ARK2C: variants seen among roughly 807,000 people sequenced by gnomAD.
The protein encoded by ARK2C is E3 ubiquitin-protein ligase ARK2C.
At chr18:46,338,340 T>A in the ARK2C span, among the ~76,000 whole-genome samples, 1 of 152,226 alleles carries the variant, frequency 6.6e-6, no homozygotes, top group Non-Finnish European at 1.5e-5. Context: ...CTCAGGCCAC[T>A]CCCACCCCTA....
the ARK2C span, among the ~76,000 whole-genome samples, chr18:46,369,538 T>A: frequency 6.6e-6 from 1 of 152,136 alleles, no homozygotes; most frequent in Non-Finnish European, 1.5e-5. Context: ...CCTCTGCTGG[T>A]CAGTGAGGTG....
the ARK2C span, among the ~76,000 whole-genome samples, chr18:46,395,804 A>G: frequency 6.6e-6 from 1 of 152,350 alleles, no homozygotes; most frequent in East Asian, 1.9e-4. Flanking sequence ...TCTTACTTCC[A>G]GAGCTTTCTG....
At chr18:46,334,256 C>A in the ARK2C span, 5 of 1,476,682 alleles carry the variant, frequency 3.4e-6, no homozygotes, top group Middle Eastern at 2.3e-4. The surrounding 1 kb of genome is among the most constrained non-coding windows in gnomAD (Gnocchi z 4.4). Context: ...CCGCCGCCGC[C>A]GCCGCGCGAG....
At chr18:46,382,574 G>C in the ARK2C span, among the ~76,000 whole-genome samples, 1 of 152,022 alleles carries the variant, frequency 6.6e-6, no homozygotes, top group African/African-American at 2.4e-5. Context: ...AACCCTACCT[G>C]CCCCATGAAT....
chr18:46,421,331 AAGATGATGCT>A, the ARK2C span, among the ~76,000 whole-genome samples: 2 of 152,210 alleles, frequency 1.3e-5, no homozygotes, highest in African/African-American at 4.8e-5. Context: ...GGTTTTTGGC[AAGATGATGCT>A]TCCTCCATGC....
At chr18:46,444,041 G>GT in the ARK2C span, among the ~76,000 whole-genome samples, 361 of 151,878 alleles carry the variant, frequency 2.4e-3, 1 homozygote, top group African/African-American at 7.8e-3. Flanking sequence ...TAAGTTTACA[G>GT]TTTTTTTTCC....
the ARK2C span, among the ~76,000 whole-genome samples, chr18:46,354,011 G>A: frequency 2.0e-5 from 3 of 152,164 alleles, no homozygotes; most frequent in East Asian, 5.8e-4. Flanking sequence ...TTCAGCTGGG[G>A]AGAAGACAAG....
At chr18:46,358,693 G>T in the ARK2C span, among the ~76,000 whole-genome samples, 2 of 152,006 alleles carry the variant, frequency 1.3e-5, no homozygotes, top group East Asian at 3.9e-4. Flanking sequence ...TTACTGACAG[G>T]TTCCAGACCC....
At chr18:46,433,533 G>A in the ARK2C span, 1 of 1,563,286 alleles carries the variant, frequency 6.4e-7, no homozygotes, top group Non-Finnish European at 8.7e-7. Context: ...CGGAGGTGGG[G>A]ACCCGGATGG....
chr18:46,437,330 T>A, the ARK2C span, among the ~76,000 whole-genome samples: 1 of 152,196 alleles, frequency 6.6e-6, no homozygotes, highest in African/African-American at 2.4e-5. Context: ...GCTAACTGCA[T>A]CCCAGCCCTC....
chr18:46,411,932 G>C, the ARK2C span, among the ~76,000 whole-genome samples: 78 of 152,368 alleles, frequency 5.1e-4, no homozygotes, highest in African/African-American at 1.9e-3. Flanking sequence ...ATGGAGCCCA[G>C]CTCCCTGGAG....
At chr18:46,334,691 TGTGTGTGTGTGTGTGTGTGTGTGTGA>T in the ARK2C span, 3 of 305,372 alleles carry the variant, frequency 9.8e-6, no homozygotes, top group East Asian at 4.7e-5. The surrounding 1 kb of genome is among the most constrained non-coding windows in gnomAD (Gnocchi z 4.4). Context: ...TGTGTGTGTG[TGTGTGTGTGTGTGTGTGTGTGTGTGA>T]GAGAGAGAGA....
the ARK2C span, among the ~76,000 whole-genome samples, chr18:46,427,541 C>G: frequency 6.6e-6 from 1 of 152,226 alleles, no homozygotes; most frequent in African/African-American, 2.4e-5. Flanking sequence ...ACCTGGCCCT[C>G]CCATGCCACA....
chr18:46,359,727 CTCCTT>C, the ARK2C span, among the ~76,000 whole-genome samples: 1 of 152,186 alleles, frequency 6.6e-6, no homozygotes, highest in Non-Finnish European at 1.5e-5. Flanking sequence ...AAGACCCAGG[CTCCTT>C]CTACTTATTG....
the ARK2C span, among the ~76,000 whole-genome samples, chr18:46,429,307 A>G: frequency 5.9e-5 from 9 of 152,228 alleles, no homozygotes; most frequent in African/African-American, 1.7e-4. Flanking sequence ...ATAGACTAGC[A>G]TAAGACACAT....
At chr18:46,356,858 T>A in the ARK2C span, among the ~76,000 whole-genome samples, 1 of 152,304 alleles carries the variant, frequency 6.6e-6, no homozygotes, top group East Asian at 1.9e-4. Context: ...GGCTTTACAT[T>A]CAGGGAAAAC....
the ARK2C span, among the ~76,000 whole-genome samples, chr18:46,454,782 T>A: frequency 6.6e-6 from 1 of 152,254 alleles, no homozygotes; most frequent in South Asian, 2.1e-4. Flanking sequence ...AATTTTCTTC[T>A]TATGGTTATT....
At chr18:46,343,982 G>T in the ARK2C span, among the ~76,000 whole-genome samples, 2 of 152,342 alleles carry the variant, frequency 1.3e-5, no homozygotes, top group African/African-American at 4.8e-5. Context: ...TCCCCCGGAT[G>T]CTGCTGCTTC....
the ARK2C span, among the ~76,000 whole-genome samples, chr18:46,429,768 CT>C: frequency 8.9e-3 from 1,351 of 151,516 alleles, 17 homozygotes; most frequent in African/African-American, 0.031. Flanking sequence ...TTAAAATACT[CT>C]TTTTTTTTCC....
Sources: gnomAD v4.1 joint callset for allele counts (sites outside exome capture counted in the v4.1 genomes callset) on GRCh38, gnomAD v4.1.1 for gene constraint, Gnocchi (gnomAD v3.1) non-coding constraint, MANE v1.5 for transcripts, NCBI Gene and HGNC (gene_info 2026-07-23, HGNC 2026-07-21) for gene names.